The following TBK1 variants were observed in gnomAD, a reference collection of about 807,000 sequenced individuals.
TBK1 encodes TANK binding kinase 1.
In TBK1, 37 loss-of-function variants were observed where a neutral mutation model predicts 99.9. The observed-to-expected ratio is 0.37, with a 90% CI of 0.28 to 0.49. The LOEUF (loss-of-function observed/expected upper bound fraction) is 0.49, where lower values mean the gene tolerates loss of function less well. TBK1 is among the 20% of genes least tolerant of loss of function. The pLI is 0.98. For missense variants in TBK1, 644 were observed against 872.5 expected, an observed-to-expected ratio of 0.74 and a Z score of 3.30; for synonymous variants, 258 against 279.8, an observed-to-expected ratio of 0.92 and a Z score of 0.78.
chr12:64,464,358 A>T lies in TBK1; in HGVS notation c.253A>T (p.Ile85Phe). ...EETTTRHKVLIMEFCPCGSLY... is the reference protein window; with the variant it reads ...EETTTRHKVLFMEFCPCGSLY... Reference sequence around the variant, plus strand: ...GACAACAACAAGACATAAAGTACTTATTATGGAATTTTGTCCATGTGGGAG... The same window carrying T: ...GACAACAACAAGACATAAAGTACTTTTTATGGAATTTTGTCCATGTGGGAG... The change falls in exon 4 of 21, where the codon ATT becomes TTT. Residue 85 changes from isoleucine to phenylalanine, a missense_variant. Ile to Phe is a conservative substitution (Grantham distance 21, BLOSUM62 0). Transcript: ENST00000331710. The T allele has an allele frequency of 6.3e-7, 1 of 1,598,410 alleles. No individual in the cohort carries two copies. Among genetic ancestry groups the T allele is most frequent in the South Asian group, 1.1e-5 (1 of 88,378 alleles).
chr12:64,487,752 G>C (rs186784618), intron 11 of TBK1, among the ~76,000 whole-genome samples: 1 of 152,136 alleles, frequency 6.6e-6, no homozygotes, highest in South Asian at 2.1e-4. Flanking sequence ...AGCTGCATAT[G>C]GTCTCTTCTT....
chr12:64,461,376 T>C (rs1565812550), intron 3 of TBK1, among the ~76,000 whole-genome samples: 1 of 152,150 alleles, frequency 6.6e-6, no homozygotes, highest in Non-Finnish European at 1.5e-5. Flanking sequence ...AAATAGAAAT[T>C]ATTTTAATCC....
chr12:64,458,724 G>T (rs1003715640), intron 2 of TBK1, among the ~76,000 whole-genome samples: 30 of 152,066 alleles, frequency 2.0e-4, no homozygotes, highest in African/African-American at 7.2e-4. Context: ...TTCCCTGCTT[G>T]CTCCTCTGTT....
At chr12:64,472,516 A>C (rs12311964) in intron 5 of TBK1, among the ~76,000 whole-genome samples, 23,827 of 152,232 alleles carry the variant, frequency 0.16, 1,914 homozygotes, top group Middle Eastern at 0.26. Context: ...TATAACTTTC[A>C]TGAAGGCAGA....
At chr12:64,455,541 T>G (rs1164672586) in intron 1 of TBK1, among the ~76,000 whole-genome samples, 9 of 152,160 alleles carry the variant, frequency 5.9e-5, no homozygotes, top group Admixed American at 5.9e-4. Context: ...TGATATTGAT[T>G]AAAAAGTTGA....
At chr12:64,478,001 A>C (rs969601592) in intron 6 of TBK1, among the ~76,000 whole-genome samples, 1 of 152,204 alleles carries the variant, frequency 6.6e-6, no homozygotes, top group African/African-American at 2.4e-5. Flanking sequence ...GTTTCATGAG[A>C]AGGCCAGACC....
intron 13 of TBK1, among the ~76,000 whole-genome samples, chr12:64,491,786 C>T (rs2040872404): frequency 6.6e-6 from 1 of 152,152 alleles, no homozygotes; most frequent in Admixed American, 6.5e-5. Context: ...AGTTTTAGAT[C>T]TCAAACAGTG....
chr12:64,494,711 G>GA (rs997799589), intron 13 of TBK1, among the ~76,000 whole-genome samples: 1 of 152,030 alleles, frequency 6.6e-6, no homozygotes, highest in Non-Finnish European at 1.5e-5. Flanking sequence ...CCAATAGTAA[G>GA]AAAAAATTGC....
chr12:64,460,229 T>G lies in TBK1; in HGVS notation c.128T>G (p.Ile43Arg), dbSNP rs756011825. The change falls in exon 3 of 21, where the codon ATA becomes AGA. Residue 43 changes from isoleucine to arginine, a missense_variant. Physicochemically the swap from Ile to Arg is moderately conservative, Grantham distance 97. Around this residue, in one of 3 missense-constraint regions of TBK1, gnomAD observed 148 missense variants for 202.1 expected, o/e 0.73. Transcript: ENST00000331710. ...TTTGCTATCAAAGTATTTAATAACA[T>G]AAGCTTCCTTCGTCCAGTGGATGTT... is the stretch of plus-strand genomic sequence containing the variant. ...DLFAIKVFNN[I>R]SFLRPVDVQM... is the part of the protein sequence containing the mutation. 26 of 1,569,122 alleles carry G rather than the reference T, an allele frequency of 1.7e-5. No individual in the cohort carries two copies. The highest frequency in any genetic ancestry group is 2.7e-5 in the African/African-American group (2 of 73,286).
intron 5 of TBK1, among the ~76,000 whole-genome samples, chr12:64,469,803 T>C (rs73120378): frequency 0.1 from 15,244 of 151,798 alleles, 891 homozygotes; most frequent in Middle Eastern, 0.21. Flanking sequence ...TTTTTTTTTT[T>C]CCCCAACCCC....
chr12:64,471,686 C>T (rs1286014371), intron 5 of TBK1, among the ~76,000 whole-genome samples: 1 of 152,118 alleles, frequency 6.6e-6, no homozygotes, highest in Non-Finnish European at 1.5e-5. Context: ...TGGATATCAT[C>T]TCAGTAATAT....
chr12:64,490,520 C>CCA (rs1194341169), intron 13 of TBK1, among the ~76,000 whole-genome samples: 1 of 147,444 alleles, frequency 6.8e-6, no homozygotes, highest in Non-Finnish European at 1.5e-5. Context: ...TCTCTCGCTG[C>CCA]CTCTCTCTCT....
At chr12:64,482,273 G>C (rs1045547093) in intron 8 of TBK1, among the ~76,000 whole-genome samples, 1 of 152,032 alleles carries the variant, frequency 6.6e-6, no homozygotes, top group African/African-American at 2.4e-5. Flanking sequence ...TTTCATTGCT[G>C]TGCCTTCTTT....
chr12:64,480,243 C>A, intron 7 of TBK1, 121 bp downstream of exon 7: 2 of 602,000 alleles, frequency 3.3e-6, no homozygotes, highest in Non-Finnish European at 5.6e-6. Context: ...TAGATATTGT[C>A]AAAGCATGTG....
intron 1 of TBK1, chr12:64,452,681 GT>G (rs2040440898): frequency 6.6e-6 from 1 of 152,202 alleles, no homozygotes; most frequent in African/African-American, 2.4e-5. Context: ...TTTCCTTAGA[GT>G]TTTAGTGATG....
At chr12:64,481,663 G>A (rs2040768887) in intron 7 of TBK1, among the ~76,000 whole-genome samples, 179 bp from the exon 8 acceptor site, 1 of 152,154 alleles carries the variant, frequency 6.6e-6, no homozygotes, top group South Asian at 2.1e-4. Context: ...TCATTGATGA[G>A]TGGCATTAAA....
At chr12:64,465,613 G>A (rs2136062421) in intron 4 of TBK1, among the ~76,000 whole-genome samples, 1 of 152,278 alleles carries the variant, frequency 6.6e-6, no homozygotes, top group South Asian at 2.1e-4. Flanking sequence ...AAGATATGAA[G>A]TAGTTATATA....
chr12:64,482,735 G>A (rs1170678647), intron 8 of TBK1, among the ~76,000 whole-genome samples: 1 of 152,202 alleles, frequency 6.6e-6, no homozygotes, highest in African/African-American at 2.4e-5. Flanking sequence ...TGCTGTACAG[G>A]TTCGTAGCCT....
At chr12:64,485,846 C>A in intron 10 of TBK1, 80 bp from the exon 11 acceptor site, 2 of 1,002,612 alleles carry the variant, frequency 2.0e-6, no homozygotes, top group Non-Finnish European at 2.8e-6. Context: ...AATGTGTAAG[C>A]TTGAATAATT....
Sources: gnomAD v4.1 joint callset for allele counts (sites outside exome capture counted in the v4.1 genomes callset) on GRCh38, gnomAD v4.1.1 for gene constraint, gnomAD v4.1.1 regional missense constraint, MANE v1.5 for transcripts, NCBI Gene and HGNC (gene_info 2026-07-23, HGNC 2026-07-21) for gene names.